SHKBP1: variants seen among roughly 807,000 people sequenced by gnomAD.
The protein encoded by SHKBP1 is SH3KBP1-binding protein 1.
SHKBP1 carries 71 observed loss-of-function variants against 83.9 expected under a neutral mutation model. That is an observed-to-expected ratio of 0.85 (90% CI 0.70 to 1.03). SHKBP1 has a LOEUF of 1.03. Ranked by LOEUF, SHKBP1 falls within the 50% of genes least tolerant of loss-of-function variation. SHKBP1 has a pLI of 0.00. For missense variants in SHKBP1, 824 were observed against 982.4 expected (o/e 0.84, Z 2.16); for synonymous variants, 371 against 398.0 (o/e 0.93, Z 0.81).
At chr19:40,587,829 A>C (rs1197468784) in intron 13 of SHKBP1, among the ~76,000 whole-genome samples, 3 of 151,914 alleles carry the variant, frequency 2.0e-5, no homozygotes. Flanking sequence ...ACTTGAGCCC[A>C]AGAGTCAGGG....
intron 13 of SHKBP1, 131 bp from the exon 14 acceptor site, chr19:40,588,493 G>A (rs1323014978): frequency 8.7e-7 from 1 of 1,152,914 alleles, no homozygotes; most frequent in South Asian, 1.4e-5. Flanking sequence ...GGGGAGGAAA[G>A]GATTCTCTGA....
At chr19:40,577,715 C>A in intron 4 of SHKBP1, 85 bp downstream of exon 4, 1 of 1,457,596 alleles carries the variant, frequency 6.9e-7, no homozygotes, top group Non-Finnish European at 9.6e-7. Context: ...TCCACGTGAG[C>A]TCCATTCTAT....
chr19:40,578,559 G>A lies in SHKBP1; in HGVS notation c.400+17G>A. The A allele has an allele frequency of 6.3e-7, 1 of 1,599,232 alleles. No homozygotes were observed. The highest frequency in any genetic ancestry group is 1.1e-5 in the South Asian group (1 of 90,498). ...CGCCACCAGGTAGGCACTCCCAATG[G>A]AATGGAGGGGCGCGGAGGTGGGCCA... is the stretch of plus-strand genomic sequence containing the variant. On this transcript the variant is annotated intron_variant, in intron 6 of 17. Transcript: ENST00000291842.
At chr19:40,587,434 A>G (rs2081321460) in intron 13 of SHKBP1, among the ~76,000 whole-genome samples, 1 of 151,952 alleles carries the variant, frequency 6.6e-6, no homozygotes, top group East Asian at 1.9e-4. Flanking sequence ...TACCAAAAAT[A>G]TAAAAAATTA....
Position 40,580,311 on chromosome 19 carries a change from A to T in SHKBP1, c.401-13A>T. 3 of 1,608,460 alleles carry T rather than the reference A, an allele frequency of 1.9e-6. No homozygotes were observed. Among genetic ancestry groups the T allele is most frequent in the Non-Finnish European group, 2.6e-6 (3 of 1,175,896 alleles). Reference sequence around the variant, plus strand: ...TACAATGACTGTTACTCTACCTCTTATTCTCACTGTAGTGTTCCCAGTGAA... The same window carrying T: ...TACAATGACTGTTACTCTACCTCTTTTTCTCACTGTAGTGTTCCCAGTGAA... On this transcript the variant is annotated splice_polypyrimidine_tract_variant and intron_variant, in intron 6 of 17. Transcript: ENST00000291842.
chr19:40,589,449 G>A (rs1203003971), intron 15 of SHKBP1, among the ~76,000 whole-genome samples: 1 of 137,438 alleles, frequency 7.3e-6, no homozygotes, highest in Non-Finnish European at 1.6e-5. Flanking sequence ...GGTGGGGTCA[G>A]GGTGGGATGG....
chr19:40,577,073 T>TCAAGGGTTG, intron 1 of SHKBP1, 88 bp downstream of exon 1: 2 of 1,099,946 alleles, frequency 1.8e-6, no homozygotes, highest in Non-Finnish European at 2.5e-6. Context: ...TCCCTGTCCA[T>TCAAGGGTTG]CAAGGGTTGC....
Position 40,583,589 on chromosome 19 carries a change from T to C in SHKBP1, c.1049-12T>C. The C allele has an allele frequency of 9.6e-6, 8 of 833,748 alleles. No individual in the cohort carries two copies. The highest frequency in any genetic ancestry group is 1.7e-5 in the African/African-American group (1 of 57,342). 51.6% of individuals were successfully genotyped at this position (833,748 alleles called of 1,614,324 possible). A position where few individuals can be genotyped will look rare whatever the true frequency, so the allele number is the denominator to read the frequency against. On this transcript the variant is annotated splice_polypyrimidine_tract_variant and intron_variant, in intron 11 of 17. Transcript: ENST00000291842. ...TGGAACAAACCCGCTCCACCCTCCC[T>C]GCCCACCCCAGATGTGCAGAAGTTC... is the stretch of plus-strand genomic sequence containing the variant.
intron 5 of SHKBP1, 115 bp downstream of exon 5, chr19:40,578,327 T>G: frequency 6.9e-7 from 1 of 1,455,112 alleles, no homozygotes; most frequent in Non-Finnish European, 9.6e-7. Flanking sequence ...GTGGGAGGAC[T>G]GGTTATGGCC....
Position 40,577,287 on chromosome 19 carries a change from G to A in SHKBP1, c.140+3G>A. 4 of 1,614,100 alleles carry A rather than the reference G, an allele frequency of 2.5e-6. No homozygotes were observed. Among genetic ancestry groups the A allele is most frequent in the Non-Finnish European group, 3.4e-6 (4 of 1,179,996 alleles). On this transcript the variant is annotated splice_donor_region_variant and intron_variant, in intron 2 of 17. Transcript: ENST00000291842. Reference sequence around the variant, plus strand: ...ATCCCAGACTCCTTCTTCTCCAGGTGATCGGGAGAGCGAGTTTGGGGCGAG... The same window carrying A: ...ATCCCAGACTCCTTCTTCTCCAGGTAATCGGGAGAGCGAGTTTGGGGCGAG...
At chr19:40,578,329 G>GT in intron 5 of SHKBP1, 117 bp downstream of exon 5, 1 of 1,458,800 alleles carries the variant, frequency 6.9e-7, no homozygotes. Context: ...GGGAGGACTG[G>GT]TTATGGCCCT....
At chr19:40,578,369 T>C in intron 5 of SHKBP1, 93 bp from the exon 6 acceptor site, 1 of 1,487,618 alleles carries the variant, frequency 6.7e-7, no homozygotes, top group Non-Finnish European at 9.4e-7. Context: ...CTGGGAGGAG[T>C]ATTGGTACTC....
rs562622159 is a variant in SHKBP1 at position 40,583,827 on chromosome 19, G to A, written c.1165+110G>A. The A allele has an allele frequency of 1.2e-3, 937 of 792,820 alleles. 16 individuals are homozygous for A. In the South Asian group the frequency reaches 0.014, roughly 12 times the overall value. 49.1% of individuals were successfully genotyped at this position (792,820 alleles called of 1,614,324 possible). A position where few individuals can be genotyped will look rare whatever the true frequency, so the allele number is the denominator to read the frequency against. Reference sequence around the variant, plus strand: ...GACCCAGAGGGGTTTATCGAGGGGCGGCAGATTCAACTCTCTCTCATTTTT... The same window carrying A: ...GACCCAGAGGGGTTTATCGAGGGGCAGCAGATTCAACTCTCTCTCATTTTT... On this transcript the variant is annotated intron_variant, in intron 12 of 17. Transcript: ENST00000291842.
chr19:40,576,888 CG>C lies in SHKBP1; in HGVS notation c.-11del, dbSNP rs1320733186. ...GGAAGTGGGTGCGGGCCAGCCGGCTCGCCCGGGGGCCATGGCAGCAGCGGCT... is the reference window on the plus strand; with the variant it reads ...GGAAGTGGGTGCGGGCCAGCCGGCTCCCCGGGGGCCATGGCAGCAGCGGCT... On this transcript the variant is annotated 5_prime_UTR_variant, in exon 1 of 18. Transcript: ENST00000291842. 1.3e-5 allele frequency: 19 copies of C among 1,443,090 alleles called. No homozygotes were observed. Among genetic ancestry groups the C allele is most frequent in the Non-Finnish European group, 1.6e-5 (18 of 1,095,836 alleles). The allele number at this position is 1,443,090 out of a possible 1,614,324, so 89.4% of individuals were successfully genotyped here.
chr19:40,590,161 G>T lies in SHKBP1; in HGVS notation c.1590-83G>T, dbSNP rs970574105. On this transcript the variant is annotated intron_variant, in intron 15 of 17. Transcript: ENST00000291842. This position sits in a 1 kb window ranked among gnomAD's most constrained non-coding sequence, Gnocchi z 4.6. Reference sequence around the variant, plus strand: ...GATTGGGATGGCCCCTGGAGAGGCAGGAACTGCAGCCACAGTGGTGGGGAC... The same window carrying T: ...GATTGGGATGGCCCCTGGAGAGGCATGAACTGCAGCCACAGTGGTGGGGAC... 8 of 1,415,088 alleles carry T rather than the reference G, an allele frequency of 5.7e-6. No homozygotes were observed. The highest frequency in any genetic ancestry group is 6.6e-6 in the Non-Finnish European group (7 of 1,065,554). The allele number at this position is 1,415,088 out of a possible 1,614,324, so 87.7% of individuals were successfully genotyped here. A position where few individuals can be genotyped will look rare whatever the true frequency, so the allele number is the denominator to read the frequency against.
At chr19:40,578,087 A>G in intron 4 of SHKBP1, 67 bp from the exon 5 acceptor site, 1 of 1,323,490 alleles carries the variant, frequency 7.6e-7, no homozygotes, top group Non-Finnish European at 1.1e-6. Context: ...TTTGAAAATT[A>G]CCCTCTCAGC....
At chr19:40,584,234 A>T (rs1273415315) in intron 12 of SHKBP1, among the ~76,000 whole-genome samples, 2 of 152,136 alleles carry the variant, frequency 1.3e-5, no homozygotes, top group African/African-American at 4.8e-5. Flanking sequence ...CACCCTCTCC[A>T]CTAGGGGCAG....
intron 10 of SHKBP1, 27 bp downstream of exon 10, chr19:40,582,493 C>G (rs373346459): frequency 6.2e-7 from 1 of 1,600,258 alleles, no homozygotes; most frequent in South Asian, 1.1e-5. Context: ...GCCTGGCTGC[C>G]CCCTTCCCAG....
chr19:40,580,525 G>A, intron 7 of SHKBP1, 40 bp downstream of exon 7: 1 of 1,614,058 alleles, frequency 6.2e-7, no homozygotes, highest in South Asian at 1.1e-5. Context: ...CAGCTGTGGG[G>A]TCCCTGTGAC....
Sources: gnomAD v4.1 joint callset for allele counts (sites outside exome capture counted in the v4.1 genomes callset) on GRCh38, gnomAD v4.1.1 for gene constraint, Gnocchi (gnomAD v3.1) non-coding constraint, MANE v1.5 for transcripts, NCBI Gene and HGNC (gene_info 2026-07-23, HGNC 2026-07-21) for gene names.